The following PKHD1 variants were observed in gnomAD, a reference collection of about 807,000 sequenced individuals.
The protein encoded by PKHD1 is PKHD1 ciliary IPT domain containing fibrocystin/polyductin, also known as fibrocystin.
In PKHD1, 291 loss-of-function variants were observed where a neutral mutation model predicts 412.0. The ratio of observed to expected loss-of-function variants is 0.71; its 90% CI spans 0.64 to 0.78. The LOEUF is 0.78. Among genes scored for constraint, PKHD1 ranks in the 30% least tolerant of loss-of-function variants. The pLI is 0.00. For missense variants in PKHD1, 4,825 were observed against 4,950.7 expected (o/e 0.97, Z 0.76); for synonymous variants, 1,777 against 1,821.5 (o/e 0.98, Z 0.62).
intron 8 of PKHD1, among the ~76,000 whole-genome samples, 197 bp downstream of exon 8, chr6:52,071,918 T>C (rs1810666465): frequency 6.6e-6 from 1 of 152,168 alleles, no homozygotes; most frequent in Admixed American, 6.6e-5. Context: ...GGCATCCACT[T>C]CAATACGCAC....
At chr6:51,998,324 G>A (rs915332331) in intron 35 of PKHD1, among the ~76,000 whole-genome samples, 1 of 152,168 alleles carries the variant, frequency 6.6e-6, no homozygotes, top group African/African-American at 2.4e-5. Context: ...AAAAGGCTGG[G>A]AAGGGAAGTG....
chr6:51,639,332 C>T (rs991159507), intron 63 of PKHD1, among the ~76,000 whole-genome samples: 1 of 151,974 alleles, frequency 6.6e-6, no homozygotes. Context: ...AGTCTGCATT[C>T]TTAACCACTA....
chr6:51,959,010 A>G (rs993523430), intron 36 of PKHD1, among the ~76,000 whole-genome samples: 2 of 152,182 alleles, frequency 1.3e-5, no homozygotes, highest in African/African-American at 4.8e-5. Flanking sequence ...TCGGTCTAAA[A>G]GAGACAGGTA....
chr6:52,054,311 T>C, intron 19 of PKHD1, 146 bp from the exon 20 acceptor site: 1 of 696,556 alleles, frequency 1.4e-6, no homozygotes, highest in Non-Finnish European at 2.5e-6. Flanking sequence ...AGCTTACCAG[T>C]GTAGCCAGAG....
At chr6:51,987,300 G>A (rs1796339228) in intron 35 of PKHD1, among the ~76,000 whole-genome samples, 1 of 152,174 alleles carries the variant, frequency 6.6e-6, no homozygotes, top group African/African-American at 2.4e-5. Flanking sequence ...GAGGCTGGGA[G>A]AAATGATAAT....
At chr6:51,836,059 T>C (rs1769148393) in intron 51 of PKHD1, among the ~76,000 whole-genome samples, 1 of 152,210 alleles carries the variant, frequency 6.6e-6, no homozygotes. Context: ...AATTAAAGTT[T>C]AGAGATACCC....
intron 60 of PKHD1, among the ~76,000 whole-genome samples, chr6:51,737,873 C>G (rs1436059623): frequency 6.6e-6 from 1 of 151,924 alleles, no homozygotes; most frequent in East Asian, 1.9e-4. Flanking sequence ...AGTGTCCTGA[C>G]CACATCATAA....
intron 52 of PKHD1, among the ~76,000 whole-genome samples, chr6:51,824,922 A>C (rs1767069959): frequency 6.6e-6 from 1 of 152,150 alleles, no homozygotes. Context: ...GACAAATACC[A>C]CTTTCAGGCA....
chr6:51,861,529 A>T (rs1015162310), intron 48 of PKHD1, among the ~76,000 whole-genome samples: 2 of 152,120 alleles, frequency 1.3e-5, no homozygotes, highest in Non-Finnish European at 2.9e-5. Flanking sequence ...TGTTGATGTC[A>T]CTCTCATCTT....
At chr6:51,643,208 C>T (rs536943100) in intron 63 of PKHD1, among the ~76,000 whole-genome samples, 18 of 152,172 alleles carry the variant, frequency 1.2e-4, no homozygotes, top group Admixed American at 6.5e-5. Flanking sequence ...ACAGGCAGTT[C>T]GAAATGCAAT....
chr6:52,029,017 G>A (rs79245557), intron 29 of PKHD1, among the ~76,000 whole-genome samples: 1 of 152,318 alleles, frequency 6.6e-6, no homozygotes, highest in East Asian at 1.9e-4. Context: ...GAAGTCTGAA[G>A]CTATATTTGA....
At chr6:51,645,166 A>G (rs1425091556) in intron 63 of PKHD1, among the ~76,000 whole-genome samples, 2 of 152,218 alleles carry the variant, frequency 1.3e-5, no homozygotes, top group African/African-American at 4.8e-5. Context: ...TAATTACAAT[A>G]CTAACTGCAT....
intron 43 of PKHD1, among the ~76,000 whole-genome samples, chr6:51,903,282 G>A (rs558522082): frequency 3.3e-5 from 5 of 152,264 alleles, no homozygotes; most frequent in Admixed American, 6.5e-5. Context: ...CACTAACGCT[G>A]CCACCTTAAA....
chr6:51,723,090 T>C (rs1342617229), intron 60 of PKHD1, among the ~76,000 whole-genome samples: 2 of 152,236 alleles, frequency 1.3e-5, no homozygotes, highest in African/African-American at 4.8e-5. Flanking sequence ...AGAAAAGATA[T>C]TGTCTTGAAA....
intron 31 of PKHD1, among the ~76,000 whole-genome samples, chr6:52,026,711 T>G (rs1023779184): frequency 1.3e-5 from 2 of 152,202 alleles, no homozygotes; most frequent in South Asian, 2.1e-4. Context: ...GTACCATATA[T>G]TCTATATTCC....
chr6:51,933,605 A>AACT (rs1786990239), intron 37 of PKHD1, among the ~76,000 whole-genome samples: 1 of 152,260 alleles, frequency 6.6e-6, no homozygotes, highest in Non-Finnish European at 1.5e-5. Context: ...TGAGAGCAGT[A>AACT]GGTCAGCTGC....
At chr6:51,656,663 C>CTTT (rs5876230) in intron 61 of PKHD1, among the ~76,000 whole-genome samples, 1 of 142,074 alleles carries the variant, frequency 7.0e-6, no homozygotes. Context: ...GCTTTTCTTT[C>CTTT]TTTTTTTTTT....
chr6:52,081,799 A>G (rs1169247504), intron 4 of PKHD1, among the ~76,000 whole-genome samples: 1 of 152,098 alleles, frequency 6.6e-6, no homozygotes, highest in African/African-American at 2.4e-5. Flanking sequence ...AAAGGAAATA[A>G]CAGTGTTTTT....
At chr6:52,079,873 A>G in intron 5 of PKHD1, 27 bp downstream of exon 5, 7 of 1,253,506 alleles carry the variant, frequency 5.6e-6, no homozygotes, top group Non-Finnish European at 8.2e-6. Context: ...CTATGTAAAC[A>G]TACCTTCCTC....
Sources: gnomAD v4.1 joint callset for allele counts (sites outside exome capture counted in the v4.1 genomes callset) on GRCh38, gnomAD v4.1.1 for gene constraint, MANE v1.5 for transcripts, NCBI Gene and HGNC (gene_info 2026-07-23, HGNC 2026-07-21) for gene names.